The following SAMD5 variants were observed in gnomAD, a reference collection of about 807,000 sequenced individuals.
SAMD5 encodes the protein sterile alpha motif domain containing 5.
Under a neutral mutation model 11.3 loss-of-function variants are expected in SAMD5, and 13 were observed. The ratio of observed to expected loss-of-function variants is 1.15; its 90% CI spans 0.75 to 1.83. The LOEUF is 1.83. Ranked by LOEUF, SAMD5 falls within the 40% of genes most tolerant of loss-of-function variation. SAMD5 has a pLI of 0.00. For synonymous variants in SAMD5, 129 were observed against 111.3 expected (o/e 1.16, Z -1.00); for missense variants, 255 against 239.1 (o/e 1.07, Z -0.44).
chr6:147,872,813 G>A, the SAMD5 span, among the ~76,000 whole-genome samples: 3 of 152,102 alleles, frequency 2.0e-5, no homozygotes, highest in African/African-American at 7.2e-5. Context: ...AAATGGATGG[G>A]TCAGTACCAC....
intron 1 of SAMD5, among the ~76,000 whole-genome samples, chr6:147,582,644 G>T (rs1248315966): frequency 6.6e-6 from 1 of 152,176 alleles, no homozygotes; most frequent in Non-Finnish European, 1.5e-5. Context: ...AAAGTGAAGC[G>T]GAGCTTTAGG....
At chr6:147,737,044 T>A (rs914607009) in intron 1 of SAMD5, among the ~76,000 whole-genome samples, 2 of 152,128 alleles carry the variant, frequency 1.3e-5, no homozygotes, top group Non-Finnish European at 2.9e-5. Flanking sequence ...GGAGATTGAT[T>A]TATGATTGGG....
chr6:147,870,268 G>A, the SAMD5 span, among the ~76,000 whole-genome samples: 1 of 151,920 alleles, frequency 6.6e-6, no homozygotes, highest in Non-Finnish European at 1.5e-5. Context: ...CTAAATAGGT[G>A]CTCATTATAA....
At chr6:147,627,154 T>A (rs1790067622) in intron 1 of SAMD5, among the ~76,000 whole-genome samples, 1 of 152,142 alleles carries the variant, frequency 6.6e-6, no homozygotes, top group African/African-American at 2.4e-5. Flanking sequence ...ATTTGAATAT[T>A]TATATGGACA....
At chr6:147,574,518 G>A (rs1245952010), downstream of SAMD5, among the ~76,000 whole-genome samples, 6 of 152,212 alleles carry the variant, frequency 3.9e-5, no homozygotes, top group Admixed American at 2.6e-4. Flanking sequence ...AAAAGAGGGA[G>A]TGCTTGAGGG....
chr6:147,709,361 G>A (rs895913126), intron 1 of SAMD5, among the ~76,000 whole-genome samples: 1 of 152,174 alleles, frequency 6.6e-6, no homozygotes, highest in Non-Finnish European at 1.5e-5. Context: ...TAGTTCTTCC[G>A]AAGTCATAGC....
At chr6:147,603,016 C>T (rs888268034) in intron 1 of SAMD5, among the ~76,000 whole-genome samples, 11 of 152,078 alleles carry the variant, frequency 7.2e-5, no homozygotes, top group Non-Finnish European at 1.3e-4. Context: ...AATGGAAATA[C>T]ATTTCCTAAG....
chr6:147,761,372 A>C, the SAMD5 span, among the ~76,000 whole-genome samples: 1 of 152,138 alleles, frequency 6.6e-6, no homozygotes, highest in Non-Finnish European at 1.5e-5. Context: ...AGAAATTAGG[A>C]TTTTATGGCC....
intron 1 of SAMD5, among the ~76,000 whole-genome samples, chr6:147,628,163 T>C (rs1439268619): frequency 6.6e-6 from 1 of 152,222 alleles, no homozygotes; most frequent in Non-Finnish European, 1.5e-5. Flanking sequence ...AGTCACAGGC[T>C]CTTGGTAAGG....
At chr6:147,807,725 A>G in the SAMD5 span, among the ~76,000 whole-genome samples, 1 of 152,240 alleles carries the variant, frequency 6.6e-6, no homozygotes, top group Non-Finnish European at 1.5e-5. Flanking sequence ...CAATGGGTAT[A>G]CATCCTATAT....
At chr6:147,846,429 G>A in the SAMD5 span, among the ~76,000 whole-genome samples, 1 of 152,112 alleles carries the variant, frequency 6.6e-6, no homozygotes, top group Non-Finnish European at 1.5e-5. Flanking sequence ...TCAATATCCT[G>A]GTTTGCATAC....
the SAMD5 span, among the ~76,000 whole-genome samples, chr6:147,779,376 G>A: frequency 6.6e-6 from 1 of 152,006 alleles, no homozygotes; most frequent in Non-Finnish European, 1.5e-5. Context: ...ATAAATAATT[G>A]TATTAGTATG....
At chr6:147,896,744 A>ACAAAAC in the SAMD5 span, among the ~76,000 whole-genome samples, 1 of 142,674 alleles carries the variant, frequency 7.0e-6, no homozygotes, top group East Asian at 2.0e-4. Flanking sequence ...TAACCAAAAA[A>ACAAAAC]AAAAAAAAAA....
chr6:147,741,661 C>G (rs574943311), downstream of SAMD5: 1 of 152,070 alleles, frequency 6.6e-6, no homozygotes, highest in African/African-American at 2.4e-5. Flanking sequence ...AGGAACAGTA[C>G]GAGGCTTCTG....
the SAMD5 span, among the ~76,000 whole-genome samples, chr6:147,838,442 A>G: frequency 6.6e-6 from 1 of 152,024 alleles, no homozygotes; most frequent in Non-Finnish European, 1.5e-5. Flanking sequence ...AATACTGTTT[A>G]ATGGTGTTGT....
At chr6:147,688,610 A>C (rs940546299) in intron 1 of SAMD5, among the ~76,000 whole-genome samples, 1 of 152,102 alleles carries the variant, frequency 6.6e-6, no homozygotes, top group Non-Finnish European at 1.5e-5. Context: ...AGTTTTTGTT[A>C]TTCTTGGTTT....
the SAMD5 span, among the ~76,000 whole-genome samples, chr6:147,780,356 C>T: frequency 6.6e-6 from 1 of 151,940 alleles, no homozygotes; most frequent in Non-Finnish European, 1.5e-5. Flanking sequence ...TATAGATGCC[C>T]GCCACCACCC....
rs540198255 is a variant in SAMD5 at position 147,568,134 on chromosome 6, C to T, written c.*3678C>T. The stretch of plus-strand genomic sequence containing the variant: ...ATGACTGATTTACAAATTAGGAGTG[C>T]AAATGGGCTGTTCCCCGATAGCATC... On this transcript the variant is annotated 3_prime_UTR_variant, in exon 2 of 2. Transcript: ENST00000367474. 1.4e-5 allele frequency: 14 copies of T among 985,276 alleles called. No homozygotes were observed. The Admixed American group carries it at 7.4e-4, about 52-fold the overall frequency. 61.0% of individuals were successfully genotyped at this position (985,276 alleles called of 1,614,324 possible). A position where few individuals can be genotyped will look rare whatever the true frequency, so the allele number is the denominator to read the frequency against.
Position 147,698,396 on chromosome 6 carries a change from T to C in SAMD5, c.163-38921T>C, listed in dbSNP as rs906555091. Among the ~76,000 whole-genome samples the C allele has an allele frequency of 2.6e-5, 4 of 152,212 alleles. 1 individual carries two copies. Among genetic ancestry groups the C allele is most frequent in the Non-Finnish European group, 5.9e-5 (4 of 68,050 alleles). On this transcript the variant is annotated intron_variant, in intron 1 of 1. Transcript: ENST00000566741. ...CATTCAGCCCATAATAATGGCATTTTCTACACTTGGAAAACACTTTTTCTC... is the reference window on the plus strand; with the variant it reads ...CATTCAGCCCATAATAATGGCATTTCCTACACTTGGAAAACACTTTTTCTC...
Sources: allele counts gnomAD v4.1 joint callset (sites outside exome capture counted in the v4.1 genomes callset), GRCh38; gene constraint gnomAD v4.1.1; transcripts MANE v1.5; gene names NCBI Gene and HGNC (gene_info 2026-07-23, HGNC 2026-07-21).